The following RREB1 variants were observed in gnomAD, a reference collection of about 807,000 sequenced individuals.
RREB1 encodes ras-responsive element-binding protein 1.
A neutral mutation model predicts 117.8 loss-of-function variants in RREB1; 27 were observed. The ratio of observed to expected loss-of-function variants is 0.23; its 90% CI spans 0.17 to 0.32. RREB1 has a LOEUF of 0.32. Among genes scored for constraint, RREB1 ranks in the 10% least tolerant of loss-of-function variants. RREB1 has a pLI of 1.00. For synonymous variants in RREB1, 1,298 were observed against 1,026.7 expected (o/e 1.26, Z -5.05); for missense variants, 2,577 against 2,378.2 (o/e 1.08, Z -1.74).
chr6:7,121,792 T>C (rs1761692576), intron 1 of RREB1, among the ~76,000 whole-genome samples: 1 of 152,136 alleles, frequency 6.6e-6, no homozygotes, highest in South Asian at 2.1e-4. Flanking sequence ...CAAAATCTTT[T>C]TGGAACAAAA....
At chr6:7,202,630 G>C (rs1334099424) in intron 6 of RREB1, among the ~76,000 whole-genome samples, 1 of 152,188 alleles carries the variant, frequency 6.6e-6, no homozygotes, top group African/African-American at 2.4e-5. Flanking sequence ...CAGCATCCCT[G>C]CTGGGAGAGG....
chr6:7,137,507 G>A lies in RREB1; in HGVS notation c.-285+29447G>A, dbSNP rs540031599. 5.3e-5 allele frequency among the ~76,000 whole-genome samples: 8 copies of A among 152,330 alleles called. No individual in the cohort carries two copies. The South Asian group carries it at 8.3e-4, about 16-fold the overall frequency. On this transcript the variant is annotated intron_variant, in intron 1 of 12. Transcript: ENST00000379938. ...GCTAACATGAGTATGATATGCATGC[G>A]CATTTTTGGATGCCAAACACATAGG...
chr6:7,146,435 C>G (rs553743651), intron 1 of RREB1, among the ~76,000 whole-genome samples: 1 of 152,124 alleles, frequency 6.6e-6, no homozygotes, highest in South Asian at 2.1e-4. Flanking sequence ...ACGCAGACAG[C>G]CTGGGAGGGC....
intron 4 of RREB1, chr6:7,182,977 T>C (rs909316552): frequency 6.6e-6 from 1 of 152,236 alleles, no homozygotes; most frequent in African/African-American, 2.4e-5. Flanking sequence ...ACTGTGGCTG[T>C]CCTTATACAG....
chr6:7,158,275 G>GT (rs1165892193), intron 1 of RREB1, among the ~76,000 whole-genome samples: 2 of 152,062 alleles, frequency 1.3e-5, no homozygotes, highest in Non-Finnish European at 2.9e-5. Flanking sequence ...CCCTTTGAAA[G>GT]TTGTTCAGGT....
chr6:7,198,052 G>A (rs889051533), intron 6 of RREB1, among the ~76,000 whole-genome samples: 2 of 152,094 alleles, frequency 1.3e-5, no homozygotes, highest in African/African-American at 2.4e-5. Flanking sequence ...TGAAAGCAGG[G>A]GACAGTCACT....
intron 1 of RREB1, among the ~76,000 whole-genome samples, chr6:7,118,169 G>A (rs560731437): frequency 2.0e-5 from 3 of 152,224 alleles, no homozygotes; most frequent in Non-Finnish European, 2.9e-5. Flanking sequence ...CTCCCAGGCT[G>A]GAGTGCAGGG....
At chr6:7,144,987 AG>A (rs1434290341) in intron 1 of RREB1, among the ~76,000 whole-genome samples, 1 of 152,194 alleles carries the variant, frequency 6.6e-6, no homozygotes, top group African/African-American at 2.4e-5. Context: ...AACATAGTTA[AG>A]GGGGGAAAGT....
chr6:7,181,744 C>T (rs1244688817), intron 3 of RREB1, 126 bp from the exon 4 acceptor site: 3 of 754,792 alleles, frequency 4.0e-6, no homozygotes, highest in Non-Finnish European at 4.6e-6. Context: ...TGGCCTTTAA[C>T]TGGAGAAAGA....
At chr6:7,184,861 A>G (rs1384474064) in intron 4 of RREB1, 1 of 151,462 alleles carries the variant, frequency 6.6e-6, no homozygotes. Context: ...ATGTATCACC[A>G]TCCTGTTGGT....
intron 10 of RREB1, among the ~76,000 whole-genome samples, chr6:7,239,474 C>T (rs568524458): frequency 7.2e-5 from 11 of 152,324 alleles, no homozygotes; most frequent in African/African-American, 2.6e-4. Context: ...TCCGCACAAA[C>T]CCAGGACAAG....
chr6:7,223,278 AAGG>A (rs1767376888), intron 8 of RREB1, among the ~76,000 whole-genome samples: 1 of 149,948 alleles, frequency 6.7e-6, no homozygotes, highest in Non-Finnish European at 1.5e-5. Flanking sequence ...AAAAAAAAAA[AAGG>A]CCGGGCACGA....
At chr6:7,243,314 T>G (rs1372681252) in intron 11 of RREB1, among the ~76,000 whole-genome samples, 1 of 152,240 alleles carries the variant, frequency 6.6e-6, no homozygotes, top group Non-Finnish European at 1.5e-5. Context: ...ACTAGGGCTG[T>G]CTCCACAGTC....
chr6:7,221,767 A>G (rs992904506), intron 8 of RREB1, among the ~76,000 whole-genome samples: 1 of 152,196 alleles, frequency 6.6e-6, no homozygotes, highest in African/African-American at 2.4e-5. Flanking sequence ...TTTTCTCCCC[A>G]TGAGTTTTGC....
At chr6:7,218,857 G>A (rs1446654081) in intron 8 of RREB1, 1 of 144,344 alleles carries the variant, frequency 6.9e-6, no homozygotes. Context: ...AGGATATCCT[G>A]TCTTCTTCCA....
chr6:7,242,224 A>G (rs1221720798), intron 11 of RREB1, among the ~76,000 whole-genome samples: 1 of 152,170 alleles, frequency 6.6e-6, no homozygotes, highest in East Asian at 1.9e-4. Context: ...CTTCTTTATC[A>G]TAAGGGAGGA....
chr6:7,238,651 AATG>A (rs1437262093), intron 10 of RREB1, among the ~76,000 whole-genome samples: 1 of 152,118 alleles, frequency 6.6e-6, no homozygotes, highest in Non-Finnish European at 1.5e-5. Flanking sequence ...ACACCTGCAG[AATG>A]ATATGAGGAG....
intron 8 of RREB1, among the ~76,000 whole-genome samples, chr6:7,226,211 GTT>G (rs1767576823): frequency 6.6e-6 from 1 of 152,210 alleles, no homozygotes; most frequent in Non-Finnish European, 1.5e-5. Flanking sequence ...GACTGTGGGT[GTT>G]TAGGTCGTAC....
chr6:7,136,037 T>C (rs1312844325), intron 1 of RREB1, among the ~76,000 whole-genome samples: 13 of 152,198 alleles, frequency 8.5e-5, no homozygotes, highest in Non-Finnish European at 2.9e-5. Context: ...CAGTACCTCC[T>C]CCAACTGTTG....
Sources: allele counts gnomAD v4.1 joint callset (sites outside exome capture counted in the v4.1 genomes callset), GRCh38; gene constraint gnomAD v4.1.1; transcripts MANE v1.5; gene names NCBI Gene and HGNC (gene_info 2026-07-23, HGNC 2026-07-21).